Variants in RUFY2 observed in about 807,000 individuals in gnomAD.
The protein encoded by RUFY2 is RUN and FYVE domain-containing protein 2.
Under a neutral mutation model 94.4 loss-of-function variants are expected in RUFY2, and 49 were observed. The observed-to-expected ratio is 0.52, with a 90% CI of 0.41 to 0.66. The LOEUF is 0.66. Ranked by LOEUF, RUFY2 falls within the 30% of genes least tolerant of loss-of-function variation. RUFY2 has a pLI of 0.00. For missense variants in RUFY2, 541 were observed against 692.8 expected, an observed-to-expected ratio of 0.78 and a Z score of 2.46; for synonymous variants, 255 against 235.7, an observed-to-expected ratio of 1.08 and a Z score of -0.75.
intron 16 of RUFY2, among the ~76,000 whole-genome samples, chr10:68,354,573 C>G (rs1231724031): frequency 6.6e-6 from 1 of 152,172 alleles, no homozygotes; most frequent in African/African-American, 2.4e-5. Context: ...AGCAAGGATT[C>G]AGACACATTC....
intron 10 of RUFY2, among the ~76,000 whole-genome samples, chr10:68,382,530 T>C (rs1016137213): frequency 2.6e-5 from 4 of 150,970 alleles, no homozygotes; most frequent in African/African-American, 7.3e-5. Context: ...CTGGCTAACA[T>C]GGTGAAACTC....
chr10:68,346,306 G>A, intron 16 of RUFY2: 1 of 440,852 alleles, frequency 2.3e-6, no homozygotes, highest in Non-Finnish European at 4.0e-6. Flanking sequence ...AAACAAGATT[G>A]CAGCCAGGCG....
chr10:68,400,942 G>A (rs1287579478), intron 3 of RUFY2, among the ~76,000 whole-genome samples: 1 of 152,190 alleles, frequency 6.6e-6, no homozygotes, highest in Non-Finnish European at 1.5e-5. Context: ...GAACCCGGGA[G>A]GTGGAGCTTG....
chr10:68,348,522 G>GA (rs11387992), intron 16 of RUFY2, among the ~76,000 whole-genome samples: 31,110 of 138,592 alleles, frequency 0.22, 3,795 homozygotes, highest in African/African-American at 0.33. Context: ...TCTCTGAGGG[G>GA]AAAAAAAAAA....
At chr10:68,355,112 G>A (rs114792246) in intron 16 of RUFY2, among the ~76,000 whole-genome samples, 4,321 of 152,218 alleles carry the variant, frequency 0.028, 206 homozygotes, top group African/African-American at 0.098. Flanking sequence ...CTCCCAAAGA[G>A]CTCGGATTAC....
intron 16 of RUFY2, among the ~76,000 whole-genome samples, chr10:68,348,498 CAG>C (rs996720375): frequency 6.2e-5 from 9 of 145,516 alleles, no homozygotes; most frequent in African/African-American, 2.3e-4. Context: ...GCTTGGGAAA[CAG>C]AGGAAACTCT....
rs1334453226 is a variant in RUFY2, at chr10:68,378,719, A to G, written c.1205+705T>C. 5 of 1,403,700 alleles carry G rather than the reference A, an allele frequency of 3.6e-6. No homozygotes were observed. The South Asian group carries it at 3.8e-5, about 11-fold the overall frequency. The allele number at this position is 1,403,700 out of a possible 1,614,324, so 87.0% of individuals were successfully genotyped here. ...TCAAAGACAGAAAAAGGTAATAAAA[A>G]TGTCCAAAATGTAAAAATGGGGATA... On this transcript the variant is annotated intron_variant, in intron 12 of 17. Coordinates refer to ENST00000602465, the MANE Select transcript of RUFY2 (RefSeq NM_001330103.2).
intron 13 of RUFY2, among the ~76,000 whole-genome samples, chr10:68,367,717 T>TCTCC (rs1186165265): frequency 1.2e-3 from 178 of 148,862 alleles, no homozygotes; most frequent in Middle Eastern, 3.4e-3. Context: ...TCTCTATCTC[T>TCTCC]CTCCCTCCCT....
intron 7 of RUFY2, among the ~76,000 whole-genome samples, chr10:68,390,119 C>T (rs1334153189): frequency 6.6e-6 from 1 of 152,088 alleles, no homozygotes; most frequent in Non-Finnish European, 1.5e-5. Flanking sequence ...CACAAGCTTG[C>T]ATTTAGAAAT....
In RUFY2 at chr10:68,404,269, C is replaced by T. The variant is rs185989929; in HGVS notation, c.178+402G>A. Among the ~76,000 whole-genome samples, 256 of 152,074 alleles carry T rather than the reference C, an allele frequency of 1.7e-3. 3 individuals are homozygous for T. The highest frequency in any genetic ancestry group is 0.011 in the South Asian group (55 of 4,828). ...TCCAGAAGATATTTCTACATATGTTCGTGTATATATCTAGGAGGTTTCTAT... is the reference window on the plus strand; with the variant it reads ...TCCAGAAGATATTTCTACATATGTTTGTGTATATATCTAGGAGGTTTCTAT... On this transcript the variant is annotated intron_variant, in intron 2 of 17. Coordinates refer to ENST00000602465, the MANE Select transcript of RUFY2 (RefSeq NM_001330103.2).
At chr10:68,374,216 G>A (rs923059244) in intron 13 of RUFY2, among the ~76,000 whole-genome samples, 5 of 151,064 alleles carry the variant, frequency 3.3e-5, no homozygotes, top group Non-Finnish European at 2.9e-5. Context: ...TGGGAGGATC[G>A]CTTGAGGCTA....
intron 13 of RUFY2, among the ~76,000 whole-genome samples, chr10:68,376,458 ATATAT>A (rs1384494101): frequency 0.048 from 1,414 of 29,306 alleles, 141 homozygotes; most frequent in Non-Finnish European, 0.071. Context: ...ATATATATAT[ATATAT>A]ATATATATAT....
At chr10:68,381,787 G>A (rs1465000461) in intron 10 of RUFY2, among the ~76,000 whole-genome samples, 1 of 152,226 alleles carries the variant, frequency 6.6e-6, no homozygotes, top group Non-Finnish European at 1.5e-5. Context: ...GGCAAAGGTT[G>A]CAGTGAGCTG....
intron 3 of RUFY2, among the ~76,000 whole-genome samples, chr10:68,400,772 G>C (rs964275177): frequency 2.6e-5 from 4 of 151,952 alleles, no homozygotes; most frequent in African/African-American, 4.8e-5. Flanking sequence ...CAGCACTTTA[G>C]GAGGCTGAGG....
rs1349145083 is a variant in RUFY2 at position 68,345,640 on chromosome 10, G to A, written c.*128C>T. 6.9e-6 allele frequency: 5 copies of A among 722,556 alleles called. No individual in the cohort carries two copies. The South Asian group carries it at 8.2e-5, about 12-fold the overall frequency. The allele number at this position is 722,556 out of a possible 1,614,324, so 44.8% of individuals were successfully genotyped here. On this transcript the variant is annotated 3_prime_UTR_variant, in exon 18 of 18. Transcript: ENST00000602465. Reference sequence around the variant, plus strand: ...CTTGTAATTTCCATGAGCTGAATATGTAGAAGATAAACTGGTACCAAATAC... The same window carrying A: ...CTTGTAATTTCCATGAGCTGAATATATAGAAGATAAACTGGTACCAAATAC...
At chr10:68,346,408 C>T (rs7922852) in intron 16 of RUFY2, 25,075 of 224,016 alleles carry the variant, frequency 0.11, 1,735 homozygotes, top group South Asian at 0.26. Context: ...CTGGGCAACA[C>T]AGAATCTGTC....
intron 15 of RUFY2, among the ~76,000 whole-genome samples, chr10:68,360,444 T>A (rs748536250): frequency 1.8e-4 from 28 of 151,916 alleles, no homozygotes; most frequent in Non-Finnish European, 2.5e-4. Flanking sequence ...TTAATTTTTT[T>A]AAAAAAATAA....
chr10:68,400,961 C>G (rs909149871), intron 3 of RUFY2, among the ~76,000 whole-genome samples: 1 of 151,714 alleles, frequency 6.6e-6, no homozygotes, highest in Non-Finnish European at 1.5e-5. Context: ...TGCAGTGAGC[C>G]GAGATCGTGC....
intron 3 of RUFY2, among the ~76,000 whole-genome samples, chr10:68,397,972 C>CA (rs2050517627): frequency 6.6e-6 from 1 of 151,136 alleles, no homozygotes; most frequent in South Asian, 2.1e-4. Flanking sequence ...ACTAAAAACA[C>CA]AAAAAATAGC....
Sources: allele counts gnomAD v4.1 joint callset (sites outside exome capture counted in the v4.1 genomes callset), GRCh38; gene constraint gnomAD v4.1.1; transcripts MANE v1.5; gene names NCBI Gene and HGNC (gene_info 2026-07-23, HGNC 2026-07-21).